Variants in UHMK1 observed in about 807,000 individuals in gnomAD.
UHMK1 encodes U2AF homology motif kinase 1, also known as serine/threonine-protein kinase Kist.
Under a neutral mutation model 44.0 loss-of-function variants are expected in UHMK1, and 18 were observed. The observed-to-expected ratio is 0.41, with a 90% CI of 0.28 to 0.61. UHMK1 has a LOEUF of 0.61. UHMK1 is among the 20% of genes least tolerant of loss of function. The pLI, the probability that UHMK1 is intolerant of heterozygous loss-of-function variation, is 0.31. For missense variants in UHMK1, 463 were observed against 522.5 expected, an observed-to-expected ratio of 0.89 and a Z score of 1.11; for synonymous variants, 231 against 198.5, an observed-to-expected ratio of 1.16 and a Z score of -1.38.
At chr1:162,511,216 G>T (rs1461851415) in intron 4 of UHMK1, among the ~76,000 whole-genome samples, 3 of 136,872 alleles carry the variant, frequency 2.2e-5, no homozygotes, top group Admixed American at 7.8e-5. Flanking sequence ...TTTGAGACAG[G>T]GTCTCGTTCT....
chr1:162,512,641 A>G (rs1213814886), intron 5 of UHMK1, 65 bp downstream of exon 5: 25 of 1,601,484 alleles, frequency 1.6e-5, no homozygotes, highest in Non-Finnish European at 2.0e-5. Context: ...ATCAGCACTA[A>G]TTTATATTCA....
rs1651124973 is a variant in UHMK1, at chr1:162,498,136, C to T, written c.136C>T (p.Pro46Ser). Residue 46 changes from proline (P) to serine (S), a missense_variant, in exon 1 of 8, where the codon CCT becomes TCT. Physicochemically the swap from Pro to Ser is moderately conservative, Grantham distance 74. Coordinates refer to ENST00000489294, the MANE Select transcript of UHMK1 (RefSeq NM_175866.5). ...GTATCGGGTTCGCTGCTGCGGCAAC[C>T]CTGGCTCGCCCCCCGGCGCCCTCAA... Reference protein sequence around the residue: ...SVYRVRCCGNPGSPPGALKQF... With the variant: ...SVYRVRCCGNSGSPPGALKQF... 1.2e-6 allele frequency: 2 copies of T among 1,612,786 alleles called. No individual in the cohort carries two copies. The highest frequency in any genetic ancestry group is 1.7e-6 in the Non-Finnish European group (2 of 1,179,694).
At chr1:162,517,637 A>T (rs1056097256) in intron 6 of UHMK1, among the ~76,000 whole-genome samples, 2 of 152,216 alleles carry the variant, frequency 1.3e-5, no homozygotes, top group Non-Finnish European at 2.9e-5. Context: ...CTGTAATCCC[A>T]GCACTTTAGG....
intron 7 of UHMK1, among the ~76,000 whole-genome samples, chr1:162,520,174 G>A (rs917333296): frequency 6.6e-5 from 10 of 152,198 alleles, no homozygotes; most frequent in African/African-American, 2.2e-4. Context: ...GATTAAAGGC[G>A]TGAGCCACTG....
chr1:162,507,928 T>G (rs898280556), intron 4 of UHMK1, among the ~76,000 whole-genome samples: 1 of 152,160 alleles, frequency 6.6e-6, no homozygotes, highest in Non-Finnish European at 1.5e-5. Context: ...GCCTACTCTT[T>G]AAGACATTAT....
At chr1:162,519,464 A>G (rs959516828) in intron 7 of UHMK1, among the ~76,000 whole-genome samples, 2 of 152,200 alleles carry the variant, frequency 1.3e-5, no homozygotes, top group African/African-American at 4.8e-5. Context: ...ACTATCAGTG[A>G]TAGTTTAAAG....
chr1:162,528,889 C>G lies in UHMK1; in HGVS notation c.*6339C>G, dbSNP rs953254023. The G allele has an allele frequency of 4.6e-5, 7 of 152,116 alleles. No homozygotes were observed. Among genetic ancestry groups the G allele is most frequent in the African/African-American group, 1.7e-4 (7 of 41,526 alleles). The allele number at this position is 152,116 out of a possible 1,614,324, so 9.4% of individuals were successfully genotyped here. A position where few individuals can be genotyped will look rare whatever the true frequency, so the allele number is the denominator to read the frequency against. On this transcript the variant is annotated 3_prime_UTR_variant, in exon 8 of 8. Coordinates refer to ENST00000489294, the MANE Select transcript of UHMK1 (RefSeq NM_175866.5). ...TCCATCTTTGCTATCTGTTGATCAG[C>G]CTTAGAAAATCTAAGTATGATCAAT...
chr1:162,520,647 T>C (rs1243006874), intron 7 of UHMK1, among the ~76,000 whole-genome samples: 1 of 152,150 alleles, frequency 6.6e-6, no homozygotes, highest in Non-Finnish European at 1.5e-5. Context: ...TCCAAGGCCC[T>C]GAGTATTCCT....
chr1:162,507,628 C>T (rs563355821), intron 4 of UHMK1, among the ~76,000 whole-genome samples: 41 of 150,310 alleles, frequency 2.7e-4, no homozygotes, highest in African/African-American at 9.8e-4. Context: ...ACTCTGTCGC[C>T]CAGGCTGAAG....
At chr1:162,502,267 T>G (rs966853481) in intron 3 of UHMK1, among the ~76,000 whole-genome samples, 1 of 152,160 alleles carries the variant, frequency 6.6e-6, no homozygotes, top group South Asian at 2.1e-4. Flanking sequence ...GCAACAAGTG[T>G]TTTTTTGAGC....
chr1:162,528,849 T>C lies in UHMK1; in HGVS notation c.*6299T>C, dbSNP rs1652343383. The C allele has an allele frequency of 6.6e-6, 1 of 152,134 alleles. No individual in the cohort carries two copies. The highest frequency in any genetic ancestry group is 1.5e-5 in the Non-Finnish European group (1 of 67,986). 9.4% of individuals were successfully genotyped at this position (152,134 alleles called of 1,614,324 possible). Reference sequence around the variant, plus strand: ...AAACTGGGGTAGAAGGGATTTTATTTTTTCCCAAAAGGGTTCCATCTTTGC... The same window carrying C: ...AAACTGGGGTAGAAGGGATTTTATTCTTTCCCAAAAGGGTTCCATCTTTGC... On this transcript the variant is annotated 3_prime_UTR_variant, in exon 8 of 8. Transcript: ENST00000489294.
intron 3 of UHMK1, among the ~76,000 whole-genome samples, chr1:162,503,277 C>T (rs1299932777): frequency 6.6e-6 from 1 of 151,916 alleles, no homozygotes; most frequent in Non-Finnish European, 1.5e-5. Context: ...TGTTCTTCTC[C>T]AGAAGTGTGT....
chr1:162,516,275 C>T (rs925357334), intron 6 of UHMK1, among the ~76,000 whole-genome samples: 1 of 152,138 alleles, frequency 6.6e-6, no homozygotes, highest in Non-Finnish European at 1.5e-5. Context: ...ACAGGGTCAT[C>T]ATGAAATAAC....
At chr1:162,518,243 T>C in intron 7 of UHMK1, 53 bp downstream of exon 7, 1 of 1,367,794 alleles carries the variant, frequency 7.3e-7, no homozygotes, top group South Asian at 1.2e-5. Flanking sequence ...TAAAATTCTG[T>C]GTTAAATGTT....
At chr1:162,506,981 A>G (rs1387126533) in intron 4 of UHMK1, among the ~76,000 whole-genome samples, 46 of 152,326 alleles carry the variant, frequency 3.0e-4, no homozygotes, top group South Asian at 2.1e-4. Context: ...TTCTGGGTCA[A>G]TATTCTCAGA....
intron 6 of UHMK1, among the ~76,000 whole-genome samples, chr1:162,515,682 A>G (rs1195590744): frequency 6.6e-6 from 1 of 152,176 alleles, no homozygotes; most frequent in Non-Finnish European, 1.5e-5. Context: ...TCGTCTTTGT[A>G]AAGACCTGCT....
At chr1:162,511,692 T>C (rs1034719288) in intron 4 of UHMK1, among the ~76,000 whole-genome samples, 1 of 152,200 alleles carries the variant, frequency 6.6e-6, no homozygotes, top group East Asian at 1.9e-4. Context: ...GTTGTGCAGC[T>C]TTTCTCTTGT....
chr1:162,520,799 A>G (rs902874380), intron 7 of UHMK1, among the ~76,000 whole-genome samples: 2 of 152,160 alleles, frequency 1.3e-5, no homozygotes, highest in Non-Finnish European at 2.9e-5. Context: ...ATTGGCTTTT[A>G]TTCTGAACTA....
intron 4 of UHMK1, among the ~76,000 whole-genome samples, chr1:162,504,333 G>T (rs1437411965): frequency 6.6e-6 from 1 of 152,160 alleles, no homozygotes; most frequent in South Asian, 2.1e-4. Context: ...ATACAAATGT[G>T]TACAGTCGTG....
Sources: gnomAD v4.1 joint callset for allele counts (sites outside exome capture counted in the v4.1 genomes callset) on GRCh38, gnomAD v4.1.1 for gene constraint, MANE v1.5 for transcripts, NCBI Gene and HGNC (gene_info 2026-07-23, HGNC 2026-07-21) for gene names.